The following ANAPC15 variants were observed in gnomAD, a reference collection of about 807,000 sequenced individuals.
The protein encoded by ANAPC15 is anaphase promoting complex subunit 15.
ANAPC15 carries 13 observed loss-of-function variants against 19.8 expected under a neutral mutation model. The observed-to-expected ratio is 0.66, with a 90% CI of 0.43 to 1.04. ANAPC15 has a LOEUF of 1.04. Ranked by LOEUF, ANAPC15 falls within the 50% of genes least tolerant of loss-of-function variation. ANAPC15 has a pLI of 0.00. For synonymous variants in ANAPC15, 45 were observed against 50.7 expected, an observed-to-expected ratio of 0.89 and a Z score of 0.47; for missense variants, 88 against 150.3, an observed-to-expected ratio of 0.59 and a Z score of 2.17.
chr11:72,109,182 C>G, downstream of ANAPC15: 1 of 521,180 alleles, frequency 1.9e-6, no homozygotes, highest in South Asian at 2.0e-5. Flanking sequence ...GAGCTCCCGA[C>G]CCAGCTCTGT....
Position 72,110,354 on chromosome 11 carries a change from C to A in ANAPC15, c.181-129G>T. 3 of 1,559,634 alleles carry A rather than the reference C, an allele frequency of 1.9e-6. No homozygotes were observed. The South Asian group carries it at 3.5e-5, about 18-fold the overall frequency. ...CCCGACACTCCCTCCTTGAGTCTAG[C>A]AGGCTGGTGCATGTTCTGCAGGACC... On this transcript the variant is annotated intron_variant, in intron 4 of 5. Transcript: ENST00000227618.
chr11:72,110,830 G>T, intron 3 of ANAPC15: 1 of 587,122 alleles, frequency 1.7e-6, no homozygotes. Flanking sequence ...TGGTGAGGAT[G>T]AAGTGAGAGA....
intron 2 of ANAPC15, 57 bp downstream of exon 2, chr11:72,111,355 A>G (rs3750908): frequency 0.079 from 101,182 of 1,274,644 alleles, 5,788 homozygotes; most frequent in East Asian, 0.23. Context: ...AATTTGATTT[A>G]GGGATAGGGT....
chr11:72,110,513 C>T, intron 4 of ANAPC15, 31 bp downstream of exon 4: 2 of 1,613,684 alleles, frequency 1.2e-6, no homozygotes, highest in East Asian at 2.2e-5. Flanking sequence ...CTGCGGCCCC[C>T]ACACAGGCCC....
rs368065020 is a variant in ANAPC15 at position 72,109,841 on chromosome 11, C to G, written c.*40G>C. ...GGGTTGGGATGCAGGGTAGTTTGGG[C>G]TGGCCTGGAATCTCCCTGAGGCCAC... On this transcript the variant is annotated 3_prime_UTR_variant, in exon 6 of 6. Coordinates refer to ENST00000227618, the MANE Select transcript of ANAPC15 (RefSeq NM_014042.3). The G allele has an allele frequency of 9.3e-6, 15 of 1,611,164 alleles. No homozygotes were observed. The highest frequency in any genetic ancestry group is 5.0e-5 in the Admixed American group (3 of 59,994).
At chr11:72,112,699 C>G (rs990140143), upstream of ANAPC15, 5 of 456,618 alleles carry the variant, frequency 1.1e-5, no homozygotes, top group African/African-American at 8.0e-5. Context: ...TTCACCCAGC[C>G]TGAGCGGAAG....
chr11:72,110,833 G>A, intron 3 of ANAPC15: 2 of 585,602 alleles, frequency 3.4e-6, no homozygotes, highest in Non-Finnish European at 3.0e-6. Flanking sequence ...TGAGGATGAA[G>A]TGAGAGACTT....
downstream of ANAPC15, among the ~76,000 whole-genome samples, chr11:72,108,336 A>C (rs1945933697): frequency 6.6e-6 from 1 of 152,212 alleles, no homozygotes; most frequent in African/African-American, 2.4e-5. Flanking sequence ...AGGTCTCTGG[A>C]ACCCAGCAAA....
chr11:72,112,722 T>C (rs1354790720), upstream of ANAPC15: 1 of 456,536 alleles, frequency 2.2e-6, no homozygotes, highest in African/African-American at 2.0e-5. Flanking sequence ...CCCACCAGAA[T>C]CCGGGACTCA....
downstream of ANAPC15, chr11:72,108,516 C>A: frequency 8.2e-7 from 1 of 1,212,428 alleles, no homozygotes; most frequent in Non-Finnish European, 1.1e-6. Context: ...AAGCCAGGAC[C>A]TGGCATGAAG....
At chr11:72,112,518 C>G in intron 1 of ANAPC15, 132 bp downstream of exon 1, 1 of 328,662 alleles carries the variant, frequency 3.0e-6, no homozygotes, top group Non-Finnish European at 6.2e-6. Flanking sequence ...GGCCAATGAG[C>G]TGGAGCTCTT....
chr11:72,107,534 G>C, downstream of ANAPC15: 1 of 702,894 alleles, frequency 1.4e-6, no homozygotes, highest in South Asian at 1.5e-5. Context: ...GAGACAGCTT[G>C]ATGGATTCTG....
At chr11:72,109,048 C>T (rs534644428), downstream of ANAPC15, 74 of 808,516 alleles carry the variant, frequency 9.2e-5, 1 homozygote, top group East Asian at 2.0e-3. Flanking sequence ...TAGGGAGTCT[C>T]TCTTCCCACC....
chr11:72,109,004 T>C (rs1591194869), downstream of ANAPC15: 3 of 1,251,946 alleles, frequency 2.4e-6, no homozygotes, highest in South Asian at 3.1e-5. Flanking sequence ...CTCCCTTTCC[T>C]GTTTGGGGCC....
In ANAPC15 at chr11:72,110,552, C is replaced by A; in HGVS notation, c.172G>T (p.Ala58Ser). The change falls in exon 4 of 6, where the codon GCC becomes TCC. Residue 58 changes from alanine to serine, a missense_variant. By Grantham distance (99) the Ala-to-Ser change is moderately conservative. Coordinates refer to ENST00000227618, the MANE Select transcript of ANAPC15 (RefSeq NM_014042.3). The stretch of plus-strand genomic sequence containing the variant: ...CTGCTAGAGCCACTCACCTCTGAGG[C>A]TGGCTTGCCAATAGGAACCAGGTTG... ...DNNLVPIGKP[A>S]SEHYDDEEEE... 1 of 1,614,240 alleles carries A rather than the reference C, an allele frequency of 6.2e-7. No individual in the cohort carries two copies.
chr11:72,108,789 T>C (rs1946007304), downstream of ANAPC15: 4 of 1,550,538 alleles, frequency 2.6e-6, no homozygotes, highest in East Asian at 9.8e-5. Flanking sequence ...CATGTGCTCT[T>C]CCCTGGTGCA....
At chr11:72,111,578 T>C in intron 1 of ANAPC15, 82 bp from the exon 2 acceptor site, 1 of 255,648 alleles carries the variant, frequency 3.9e-6, no homozygotes, top group East Asian at 1.0e-4. Context: ...ACAAAGCTGT[T>C]TGCAGGCTGT....
At chr11:72,107,859 A>C (rs573852336), downstream of ANAPC15, 20 of 1,529,346 alleles carry the variant, frequency 1.3e-5, no homozygotes, top group East Asian at 4.4e-4. Context: ...CATTTGAGAT[A>C]TCTTTTATCA....
chr11:72,108,519 G>A (rs1945960631), downstream of ANAPC15: 1 of 1,242,130 alleles, frequency 8.1e-7, no homozygotes, highest in Non-Finnish European at 1.1e-6. Flanking sequence ...CCAGGACCTG[G>A]CATGAAGTAA....
Sources: gnomAD v4.1 joint callset for allele counts (sites outside exome capture counted in the v4.1 genomes callset) on GRCh38, gnomAD v4.1.1 for gene constraint, MANE v1.5 for transcripts, NCBI Gene and HGNC (gene_info 2026-07-23, HGNC 2026-07-21) for gene names.